The following DNAH12 variants were observed in gnomAD, a reference collection of about 807,000 sequenced individuals.
DNAH12 encodes axonemal beta dynein heavy chain 12.
Under a neutral mutation model 371.5 loss-of-function variants are expected in DNAH12, and 285 were observed. That is an observed-to-expected ratio of 0.77 (90% CI 0.70 to 0.85). The LOEUF is 0.85. Ranked by LOEUF, DNAH12 falls within the 40% of genes least tolerant of loss-of-function variation. The pLI is 0.00. For missense variants in DNAH12, 3,611 were observed against 3,689.4 expected (o/e 0.98, Z 0.55); for synonymous variants, 1,200 against 1,213.0 (o/e 0.99, Z 0.22).
At chr3:57,301,677 T>TACACACAC (rs57748737) in intron 70 of DNAH12, 58 bp downstream of exon 70, 24 of 1,152,468 alleles carry the variant, frequency 2.1e-5, no homozygotes, top group Admixed American at 9.5e-5. Context: ...ACATGTATTT[T>TACACACAC]ACACACACAC....
chr3:57,546,638 C>A (rs2069579679), upstream of DNAH12, among the ~76,000 whole-genome samples: 1 of 152,164 alleles, frequency 6.6e-6, no homozygotes, highest in Non-Finnish European at 1.5e-5. Context: ...GCCACCATAT[C>A]TAGCCTGAAT....
chr3:57,474,828 T>C (rs2066472667), intron 13 of DNAH12, among the ~76,000 whole-genome samples: 1 of 151,490 alleles, frequency 6.6e-6, no homozygotes, highest in African/African-American at 2.4e-5. Context: ...GTGGTGGTGC[T>C]AGCTGGGCGT....
intron 13 of DNAH12, among the ~76,000 whole-genome samples, chr3:57,473,360 G>A (rs988376789): frequency 3.3e-5 from 5 of 152,018 alleles, no homozygotes; most frequent in East Asian, 1.9e-4. Context: ...GGTGACGCAC[G>A]TCTGTAGTCC....
At chr3:57,517,843 T>C (rs1192178112) in intron 4 of DNAH12, among the ~76,000 whole-genome samples, 1 of 151,544 alleles carries the variant, frequency 6.6e-6, no homozygotes, top group Non-Finnish European at 1.5e-5. Context: ...AGCTCAGGAG[T>C]GAGAGACCAG....
chr3:57,532,396 TAGA>T (rs935013181), intron 2 of DNAH12, among the ~76,000 whole-genome samples: 23 of 152,126 alleles, frequency 1.5e-4, no homozygotes, highest in African/African-American at 5.3e-4. Flanking sequence ...TTGATGCTTG[TAGA>T]AGTTCTTCAG....
At chr3:57,515,725 C>T (rs1248739954) in intron 4 of DNAH12, among the ~76,000 whole-genome samples, 1 of 151,892 alleles carries the variant, frequency 6.6e-6, no homozygotes, top group Admixed American at 6.6e-5. Flanking sequence ...ATTAAAAGTT[C>T]TTTCTTACTA....
intron 25 of DNAH12, among the ~76,000 whole-genome samples, chr3:57,448,409 G>A (rs879485117): frequency 1.5e-4 from 23 of 151,956 alleles, no homozygotes; most frequent in Non-Finnish European, 3.4e-4. Context: ...GCAGACCTTC[G>A]CCCTGAGTGT....
chr3:57,469,493 A>G (rs1353621049), intron 16 of DNAH12, among the ~76,000 whole-genome samples: 1 of 152,212 alleles, frequency 6.6e-6, no homozygotes, highest in Non-Finnish European at 1.5e-5. Context: ...ATATACCCAA[A>G]GGAAAATAAT....
intron 8 of DNAH12, 78 bp downstream of exon 8, chr3:57,507,565 T>G: frequency 1.9e-6 from 2 of 1,040,218 alleles, no homozygotes; most frequent in Non-Finnish European, 2.6e-6. Context: ...CTTAGCACTA[T>G]GTTTACGTAG....
At chr3:57,532,513 T>G (rs1417426203) in intron 2 of DNAH12, among the ~76,000 whole-genome samples, 1 of 152,142 alleles carries the variant, frequency 6.6e-6, no homozygotes, top group Non-Finnish European at 1.5e-5. Context: ...GGAACTTGGG[T>G]GTTGTGATCT....
chr3:57,546,356 A>G (rs576066616), upstream of DNAH12, among the ~76,000 whole-genome samples: 88 of 152,240 alleles, frequency 5.8e-4, 2 homozygotes, highest in South Asian at 0.018. Context: ...TCCAGGTGTT[A>G]TCTCAGACAA....
At chr3:57,363,936 T>C (rs1338307725) in intron 57 of DNAH12, 150 bp from the exon 58 acceptor site, 1 of 152,090 alleles carries the variant, frequency 6.6e-6, no homozygotes, top group African/African-American at 2.4e-5. Context: ...TATAACTATT[T>C]GAGAAGTTCA....
chr3:57,447,386 G>C (rs2065541102), intron 25 of DNAH12, among the ~76,000 whole-genome samples: 3 of 152,112 alleles, frequency 2.0e-5, no homozygotes, highest in Non-Finnish European at 2.9e-5. Flanking sequence ...ATAAATTACA[G>C]TCAGCTCTAA....
In DNAH12 at chr3:57,470,617, T is replaced by C. The variant is rs2066338647; in HGVS notation, c.1931A>G (p.Gln644Arg). ...RMQQYVTDVR[Q>R]LQKRIQESEE... ...AGATTCCTGAATACGTTTTTGTAGT[T>C]GTCTTACATCTGTCACATACTGAAA... The change falls in exon 16 of 74, where the codon CAA becomes CGA. Residue 644 changes from glutamine to arginine, a missense_variant. This residue lies in a region of DNAH12 where 1,314 missense variants were observed against 1,398.7 expected (regional missense o/e 0.94). Coordinates refer to ENST00000495027, the MANE Select transcript of DNAH12 (RefSeq NM_001366028.2). 2 of 1,539,356 alleles carry C rather than the reference T, an allele frequency of 1.3e-6. No homozygotes were observed. The highest frequency in any genetic ancestry group is 1.7e-6 in the Non-Finnish European group (2 of 1,144,478).
At chr3:57,348,689 A>G (rs1472620664) in intron 60 of DNAH12, among the ~76,000 whole-genome samples, 6 of 152,242 alleles carry the variant, frequency 3.9e-5, no homozygotes, top group African/African-American at 1.2e-4. Flanking sequence ...ATAGAAAACT[A>G]TGAAACATTA....
intron 25 of DNAH12, among the ~76,000 whole-genome samples, chr3:57,448,465 G>A (rs1397468186): frequency 6.6e-6 from 1 of 152,206 alleles, no homozygotes; most frequent in East Asian, 1.9e-4. Flanking sequence ...TTCCTCCCAG[G>A]GGGGCTCGTG....
chr3:57,302,080 G>A (rs772957789), intron 69 of DNAH12, 141 bp from the exon 70 acceptor site: 13 of 755,778 alleles, frequency 1.7e-5, no homozygotes, highest in Non-Finnish European at 2.3e-5. Context: ...GGTGGTACGT[G>A]AGCTAATGTT....
chr3:57,453,075 A>T, intron 24 of DNAH12, 60 bp from the exon 25 acceptor site: 1 of 1,492,578 alleles, frequency 6.7e-7, no homozygotes, highest in Non-Finnish European at 8.9e-7. Flanking sequence ...TTTTAAAAAG[A>T]AGTATTTTAT....
chr3:57,475,182 AG>A (rs1313154544), intron 13 of DNAH12, among the ~76,000 whole-genome samples: 1 of 152,200 alleles, frequency 6.6e-6, no homozygotes, highest in African/African-American at 2.4e-5. Flanking sequence ...CTTCTAGAAA[AG>A]GGTGGAAGAA....
Sources: allele counts gnomAD v4.1 joint callset (sites outside exome capture counted in the v4.1 genomes callset), GRCh38; gene constraint gnomAD v4.1.1; regional missense constraint gnomAD v4.1.1; transcripts MANE v1.5; gene names NCBI Gene and HGNC (gene_info 2026-07-23, HGNC 2026-07-21).